The following PON3 variants were observed in gnomAD, a reference collection of about 807,000 sequenced individuals.
PON3 encodes paraoxonase 3, also known as serum paraoxonase/lactonase 3.
PON3 carries 37 observed loss-of-function variants against 36.3 expected under a neutral mutation model. That is an observed-to-expected ratio of 1.02 (90% CI 0.78 to 1.34). PON3 has a LOEUF of 1.34. Ranked by LOEUF, PON3 falls within the 40% of genes most tolerant of loss-of-function variation. The pLI is 0.00. For missense variants in PON3, 415 were observed against 426.5 expected, an observed-to-expected ratio of 0.97 and a Z score of 0.24; for synonymous variants, 155 against 154.8, an observed-to-expected ratio of 1.00 and a Z score of -0.01.
chr7:95,389,529 A>G (rs1322834910), intron 3 of PON3, among the ~76,000 whole-genome samples: 4 of 152,166 alleles, frequency 2.6e-5, no homozygotes, highest in Non-Finnish European at 4.4e-5. Context: ...AAATTTCAAC[A>G]TCTCATAAAT....
chr7:95,363,093 T>A (rs1475384894), intron 6 of PON3, among the ~76,000 whole-genome samples: 2 of 152,172 alleles, frequency 1.3e-5, no homozygotes, highest in African/African-American at 2.4e-5. Context: ...TCAATCTTAT[T>A]ACTTCGAAGT....
intron 2 of PON3, among the ~76,000 whole-genome samples, chr7:95,394,149 C>T (rs543701098): frequency 6.6e-6 from 1 of 152,206 alleles, no homozygotes; most frequent in South Asian, 2.1e-4. Flanking sequence ...CCGCCCCCCT[C>T]GGCCTCCCAA....
intron 4 of PON3, among the ~76,000 whole-genome samples, chr7:95,369,640 G>C (rs1343228710): frequency 6.6e-6 from 1 of 152,128 alleles, no homozygotes; most frequent in East Asian, 1.9e-4. Context: ...GCCGGGCATG[G>C]TGGCGCATGC....
intron 3 of PON3, among the ~76,000 whole-genome samples, chr7:95,379,316 G>A (rs991596799): frequency 6.6e-6 from 1 of 152,218 alleles, no homozygotes; most frequent in African/African-American, 2.4e-5. Context: ...TCCAACTGAG[G>A]TACCGGGTTC....
At position 95,391,163 on chromosome 7, in the gene PON3, A is replaced by C. The variant is rs545498506; in HGVS notation, c.146-954T>G. 2.0e-5 allele frequency among the ~76,000 whole-genome samples: 3 copies of C among 152,200 alleles called. 1 individual carries two copies. Among genetic ancestry groups the C allele is most frequent in the Admixed American group, 2.0e-4 (3 of 15,278 alleles). ...AGGATCACATCAAAGCATTACTATC[A>C]GTTAATTTTATTATCGTCACTTCAC... On this transcript the variant is annotated intron_variant, in intron 2 of 8. Transcript: ENST00000265627.
chr7:95,365,251 G>C (rs1808665340), intron 5 of PON3: 1 of 152,262 alleles, frequency 6.6e-6, no homozygotes, highest in Admixed American at 6.5e-5. Flanking sequence ...ATTTCAACCA[G>C]TTCTGCACAG....
chr7:95,392,080 G>A (rs902277209), intron 2 of PON3, among the ~76,000 whole-genome samples: 8 of 152,140 alleles, frequency 5.3e-5, no homozygotes, highest in African/African-American at 1.9e-4. Context: ...TTTACAAATT[G>A]GTTATGAGGA....
At chr7:95,373,279 G>A (rs1348220220) in intron 3 of PON3, among the ~76,000 whole-genome samples, 2 of 151,748 alleles carry the variant, frequency 1.3e-5, no homozygotes, top group African/African-American at 2.4e-5. Flanking sequence ...CTACACACAC[G>A]TACACATACA....
chr7:95,373,703 T>C (rs17880176), intron 3 of PON3, among the ~76,000 whole-genome samples: 1,744 of 152,316 alleles, frequency 0.011, 30 homozygotes, highest in South Asian at 0.048. Context: ...AAAGTCACTA[T>C]CCCAACTTCA....
intron 6 of PON3, chr7:95,363,391 A>G (rs1808620242): frequency 5.3e-6 from 1 of 188,770 alleles, no homozygotes; most frequent in Admixed American, 5.4e-5. Context: ...TGCTGTTTAA[A>G]ATAGGGTTTT....
At chr7:95,372,084 T>C in intron 4 of PON3, 89 bp downstream of exon 4, 2 of 1,426,188 alleles carry the variant, frequency 1.4e-6, no homozygotes, top group South Asian at 2.3e-5. Context: ...GCATCTTCTC[T>C]CTTCCTGTTA....
chr7:95,387,025 T>A (rs1342737238), intron 3 of PON3, among the ~76,000 whole-genome samples: 1 of 152,114 alleles, frequency 6.6e-6, no homozygotes, highest in African/African-American at 2.4e-5. Context: ...CCACAGCCAA[T>A]ATCATACTGA....
At chr7:95,379,078 C>CAAAA (rs34582490) in intron 3 of PON3, among the ~76,000 whole-genome samples, 1 of 146,232 alleles carries the variant, frequency 6.8e-6, no homozygotes, top group Non-Finnish European at 1.5e-5. Context: ...AAATAAAAAG[C>CAAAA]AAAAAAAAAA....
In PON3 at chr7:95,363,596, G is replaced by A. The variant is rs2074353; in HGVS notation, c.695+267C>T. ...TCTTCCTTTGTAGTGTGTTAGGAAA[G>A]TGTGTTTCAAGAGTTATGTAAAAAT... On this transcript the variant is annotated intron_variant, in intron 6 of 8. Transcript: ENST00000265627. The A allele has an allele frequency of 0.48, 232,526 of 487,068 alleles. 58,726 individuals carry two copies. Among genetic ancestry groups the A allele is most frequent in the East Asian group, 0.76 (19,454 of 25,596 alleles). 30.2% of individuals were successfully genotyped at this position (487,068 alleles called of 1,614,324 possible).
In PON3 at chr7:95,389,563, G is replaced by A. The variant is rs545234285; in HGVS notation, c.201+591C>T. Among the ~76,000 whole-genome samples the A allele has an allele frequency of 1.6e-4, 25 of 152,002 alleles. No homozygotes were observed. The East Asian group carries it at 4.4e-3, about 27-fold the overall frequency. On this transcript the variant is annotated intron_variant, in intron 3 of 8. Coordinates refer to ENST00000265627, the MANE Select transcript of PON3 (RefSeq NM_000940.3). The stretch of plus-strand genomic sequence containing the variant: ...ATACACATTTTTTTGTTTGTTTACC[G>A]AAATGCTGTCCCTGGTGTAACTTCT...
At chr7:95,383,705 A>G (rs145964059) in intron 3 of PON3, among the ~76,000 whole-genome samples, 4,245 of 152,160 alleles carry the variant, frequency 0.028, 114 homozygotes, top group African/African-American at 0.068. Context: ...AATAAAAGAG[A>G]ACACAAACAA....
At chr7:95,366,890 A>G (rs1408548425) in intron 5 of PON3, among the ~76,000 whole-genome samples, 2 of 152,260 alleles carry the variant, frequency 1.3e-5, no homozygotes, top group African/African-American at 2.4e-5. Flanking sequence ...TGCTTAACAA[A>G]TGTAATTTTT....
intron 3 of PON3, among the ~76,000 whole-genome samples, chr7:95,379,237 C>A (rs1401445221): frequency 6.6e-6 from 1 of 152,156 alleles, no homozygotes; most frequent in Non-Finnish European, 1.5e-5. Flanking sequence ...TCCAAGATGG[C>A]CAAATAGGAA....
In PON3 at chr7:95,362,386, G is replaced by A. The variant is rs201950740; in HGVS notation, c.882C>T (p.Asn294=). ...HPNPMKLLNY[N]PEDPPGSEVL... is the part of the protein sequence containing the mutation. ...CTTCTGATCCTGGAGGGTCCTCAGG[G>A]TTATAGTTCAGTAGCTTCATAGGAT... The change falls in exon 8 of 9, where the codon AAC becomes AAT. Residue 294 remains asparagine, a synonymous_variant. Coordinates refer to ENST00000265627, the MANE Select transcript of PON3 (RefSeq NM_000940.3). The A allele has an allele frequency of 1.9e-6, 3 of 1,613,768 alleles. No homozygotes were observed. The highest frequency in any genetic ancestry group is 2.5e-6 in the Non-Finnish European group (3 of 1,179,746).
Sources: gnomAD v4.1 joint callset for allele counts (sites outside exome capture counted in the v4.1 genomes callset) on GRCh38, gnomAD v4.1.1 for gene constraint, MANE v1.5 for transcripts, NCBI Gene and HGNC (gene_info 2026-07-23, HGNC 2026-07-21) for gene names.